The following ZCCHC17 variants were observed in gnomAD, a reference collection of about 807,000 sequenced individuals.
ZCCHC17 encodes the protein zinc finger CCHC domain-containing protein 17.
Under a neutral mutation model 30.6 loss-of-function variants are expected in ZCCHC17, and 18 were observed. The ratio of observed to expected loss-of-function variants is 0.59; its 90% CI spans 0.41 to 0.87. The LOEUF is 0.87. Ranked by LOEUF, ZCCHC17 falls within the 40% of genes least tolerant of loss-of-function variation. ZCCHC17 has a pLI of 0.00. For synonymous variants in ZCCHC17, 88 were observed against 92.4 expected (o/e 0.95, Z 0.27); for missense variants, 263 against 284.2 (o/e 0.93, Z 0.54).
intron 2 of ZCCHC17, among the ~76,000 whole-genome samples, chr1:31,315,222 A>G (rs1160423466): frequency 6.6e-6 from 1 of 152,084 alleles, no homozygotes; most frequent in Non-Finnish European, 1.5e-5. Context: ...AGTTGTCTTT[A>G]TTTCATAGTA....
chr1:31,355,367 A>G (rs1639608437), intron 7 of ZCCHC17, among the ~76,000 whole-genome samples: 1 of 152,060 alleles, frequency 6.6e-6, no homozygotes. Flanking sequence ...ATTACCTTTT[A>G]TGCCTCATAT....
At chr1:31,342,064 G>A (rs201558053) in intron 5 of ZCCHC17, among the ~76,000 whole-genome samples, 1 of 152,016 alleles carries the variant, frequency 6.6e-6, no homozygotes, top group East Asian at 1.9e-4. Flanking sequence ...TAGTTTTTTT[G>A]AGATGGAGTC....
At chr1:31,346,895 A>C in intron 6 of ZCCHC17, 155 bp downstream of exon 6, 2 of 1,455,374 alleles carry the variant, frequency 1.4e-6, no homozygotes, top group Non-Finnish European at 1.8e-6. Flanking sequence ...ATCAGAGTTC[A>C]TGGGGTGATA....
chr1:31,328,167 A>C (rs1638432196), intron 3 of ZCCHC17, among the ~76,000 whole-genome samples: 2 of 152,184 alleles, frequency 1.3e-5, no homozygotes, highest in South Asian at 4.1e-4. Flanking sequence ...AACTGTTCTT[A>C]CAGTATGTTG....
chr1:31,331,344 C>T (rs941842887), intron 3 of ZCCHC17, among the ~76,000 whole-genome samples: 1 of 151,752 alleles, frequency 6.6e-6, no homozygotes, highest in Non-Finnish European at 1.5e-5. Context: ...CGGGGTTTCA[C>T]CATGTTGGTC....
chr1:31,348,751 G>A, intron 6 of ZCCHC17, 78 bp from the exon 7 acceptor site: 2 of 1,558,458 alleles, frequency 1.3e-6, no homozygotes, highest in Non-Finnish European at 1.8e-6. Flanking sequence ...CCCATTTCAG[G>A]AGACTTGGGG....
At chr1:31,314,896 A>G (rs1646694419) in intron 2 of ZCCHC17, among the ~76,000 whole-genome samples, 1 of 152,112 alleles carries the variant, frequency 6.6e-6, no homozygotes, top group South Asian at 2.1e-4. Context: ...CGAACTCCTG[A>G]CCTCAAGTGA....
At position 31,339,141 on chromosome 1, in the gene ZCCHC17, T is replaced by G. The variant is rs539662130; in HGVS notation, c.317+93T>G. The G allele has an allele frequency of 2.5e-4, 225 of 895,512 alleles. No homozygotes were observed. In the African/African-American group the frequency reaches 3.1e-3, roughly 13 times the overall value. The allele number at this position is 895,512 out of a possible 1,614,324, so 55.5% of individuals were successfully genotyped here. ...AGACTGAACTGGTAACTCTACCATTTATGGACTTTGTGATATTGATAAGTT... is the reference window on the plus strand; with the variant it reads ...AGACTGAACTGGTAACTCTACCATTGATGGACTTTGTGATATTGATAAGTT... On this transcript the variant is annotated intron_variant, in intron 5 of 7. Transcript: ENST00000344147.
At chr1:31,303,862 T>C (rs1363289848) in intron 1 of ZCCHC17, among the ~76,000 whole-genome samples, 1 of 152,190 alleles carries the variant, frequency 6.6e-6, no homozygotes, top group Admixed American at 6.5e-5. Flanking sequence ...AGGCCCCACC[T>C]CTTGATGCTC....
intron 6 of ZCCHC17, among the ~76,000 whole-genome samples, chr1:31,348,599 AC>A (rs1639357977): frequency 6.6e-6 from 1 of 152,196 alleles, no homozygotes; most frequent in Non-Finnish European, 1.5e-5. Context: ...CGAGAACAGT[AC>A]CAGTGTTCCC....
chr1:31,302,654 T>TTATAAAGGAGTCAATTA (rs1450795993), intron 1 of ZCCHC17, among the ~76,000 whole-genome samples: 40 of 152,310 alleles, frequency 2.6e-4, no homozygotes, highest in African/African-American at 9.6e-4. Flanking sequence ...GGAGAAAGGT[T>TTATAAAGGAGTCAATTA]TAATTGACTC....
chr1:31,311,111 G>A (rs1646591194), intron 2 of ZCCHC17, among the ~76,000 whole-genome samples: 1 of 152,052 alleles, frequency 6.6e-6, no homozygotes, highest in South Asian at 2.1e-4. Flanking sequence ...TAAAAATTGA[G>A]CTGGGGTCTC....
intron 7 of ZCCHC17, among the ~76,000 whole-genome samples, chr1:31,354,406 GT>G (rs572895904): frequency 4.0e-5 from 6 of 149,620 alleles, no homozygotes; most frequent in African/African-American, 1.2e-4. Context: ...TGCAGATTTA[GT>G]TTTTTTTTTC....
At chr1:31,339,211 T>G (rs1258992985) in intron 5 of ZCCHC17, among the ~76,000 whole-genome samples, 163 bp downstream of exon 5, 2 of 152,156 alleles carry the variant, frequency 1.3e-5, no homozygotes, top group African/African-American at 4.8e-5. Context: ...TAAAATGAAG[T>G]TAGACCAGGC....
intron 7 of ZCCHC17, among the ~76,000 whole-genome samples, chr1:31,359,184 T>C (rs1264399811): frequency 6.6e-6 from 1 of 152,134 alleles, no homozygotes; most frequent in African/African-American, 2.4e-5. Flanking sequence ...CAGGCTGGTC[T>C]TGAACTCCTA....
intron 5 of ZCCHC17, among the ~76,000 whole-genome samples, chr1:31,344,858 T>TGTTGTTG (rs1639182040): frequency 7.2e-6 from 1 of 138,644 alleles, no homozygotes; most frequent in African/African-American, 2.6e-5. Context: ...ATGGGTTTTT[T>TGTTGTTG]TTTGTTGTTT....
At chr1:31,314,105 T>A (rs1247097478) in intron 2 of ZCCHC17, among the ~76,000 whole-genome samples, 1 of 152,168 alleles carries the variant, frequency 6.6e-6, no homozygotes, top group Non-Finnish European at 1.5e-5. Context: ...CCTCAGGTGA[T>A]CCACCCACCT....
intron 3 of ZCCHC17, among the ~76,000 whole-genome samples, chr1:31,330,381 TTGA>T (rs1315987941): frequency 6.6e-6 from 1 of 152,222 alleles, no homozygotes; most frequent in Non-Finnish European, 1.5e-5. Flanking sequence ...TTTATTGAAC[TTGA>T]TGATGGACTT....
At chr1:31,360,217 T>A (rs543248183) in intron 7 of ZCCHC17, among the ~76,000 whole-genome samples, 2 of 151,964 alleles carry the variant, frequency 1.3e-5, no homozygotes, top group African/African-American at 2.4e-5. Flanking sequence ...TTGCCCAGGC[T>A]GGAGTGCAGT....
Sources: gnomAD v4.1 joint callset for allele counts (sites outside exome capture counted in the v4.1 genomes callset) on GRCh38, gnomAD v4.1.1 for gene constraint, MANE v1.5 for transcripts, NCBI Gene and HGNC (gene_info 2026-07-23, HGNC 2026-07-21) for gene names.